The following SIRT1 variants were observed in gnomAD, a reference collection of about 807,000 sequenced individuals.
The protein encoded by SIRT1 is NAD-dependent protein deacetylase sirtuin-1.
Under a neutral mutation model 67.9 loss-of-function variants are expected in SIRT1, and 24 were observed. The ratio of observed to expected loss-of-function variants is 0.35; its 90% CI spans 0.26 to 0.50. The LOEUF (loss-of-function observed/expected upper bound fraction) is 0.50, where lower values mean the gene tolerates loss of function less well. Ranked by LOEUF, SIRT1 falls within the 20% of genes least tolerant of loss-of-function variation. The pLI, the probability that SIRT1 is intolerant of heterozygous loss-of-function variation, is 0.98. For missense variants in SIRT1, 873 were observed against 937.2 expected (o/e 0.93, Z 0.89); for synonymous variants, 378 against 350.7 (o/e 1.08, Z -0.87).
chr10:67,910,290 G>T (rs921221206), intron 7 of SIRT1, among the ~76,000 whole-genome samples: 1 of 152,052 alleles, frequency 6.6e-6, no homozygotes, highest in African/African-American at 2.4e-5. Context: ...CATGAGAATC[G>T]CTTGAACTCA....
intron 4 of SIRT1, among the ~76,000 whole-genome samples, chr10:67,895,577 A>G (rs946702203): frequency 2.6e-5 from 4 of 152,088 alleles, no homozygotes; most frequent in African/African-American, 9.7e-5. Flanking sequence ...GATTTTTGCT[A>G]CTTATGAGAA....
At chr10:67,886,858 T>C (rs1589066546) in intron 1 of SIRT1, among the ~76,000 whole-genome samples, 1 of 149,162 alleles carries the variant, frequency 6.7e-6, no homozygotes, top group African/African-American at 2.4e-5. Context: ...TATTATCTTT[T>C]CTTTTTTTTT....
rs2029909517 is a variant in SIRT1, at chr10:67,916,295, G to A, written c.1946G>A (p.Arg649His). The A allele has an allele frequency of 3.8e-6, 6 of 1,599,110 alleles. No individual in the cohort carries two copies. Among genetic ancestry groups the A allele is most frequent in the East Asian group, 2.2e-5 (1 of 44,468 alleles). ...CAGTATCTGTTTTTGCCACCAAATC[G>A]TTACATTTTCCATGGCGCTGAGGTA... ...GNQYLFLPPN[R>H]YIFHGAEVYS... The change falls in exon 9 of 9, where the codon CGT becomes CAT. Residue 649 changes from arginine (R) to histidine (H), a missense_variant. Coordinates refer to ENST00000212015, the MANE Select transcript of SIRT1 (RefSeq NM_012238.5).
In SIRT1 at chr10:67,889,087, A is replaced by C; in HGVS notation, c.753A>C (p.Gln251His). 1 of 1,605,842 alleles carries C rather than the reference A, an allele frequency of 6.2e-7. No homozygotes were observed. Among genetic ancestry groups the C allele is most frequent in the Non-Finnish European group, 8.5e-7 (1 of 1,179,674 alleles). ...NTIEDAVKLL[Q>H]ECKKIIVLTG... ...TTGAAGATGCTGTGAAATTACTGCA[A>C]GAGTGCAAAAAAATTATAGTTCTAA... Residue 251 changes from glutamine (Q) to histidine (H), a missense_variant, in exon 3 of 9, where the codon CAA becomes CAC. Gln to His is a conservative substitution (Grantham distance 24). This residue lies in a region of SIRT1 where 251 missense variants were observed against 358.8 expected (regional missense o/e 0.70). Coordinates refer to ENST00000212015, the MANE Select transcript of SIRT1 (RefSeq NM_012238.5).
At chr10:67,890,911 T>G (rs577418705) in intron 3 of SIRT1, among the ~76,000 whole-genome samples, 22 of 151,360 alleles carry the variant, frequency 1.5e-4, no homozygotes, top group African/African-American at 4.9e-4. Context: ...GCACCTGCAT[T>G]CCCAGCTAAT....
chr10:67,906,116 C>T, intron 4 of SIRT1: 1 of 1,275,528 alleles, frequency 7.8e-7, no homozygotes, highest in Non-Finnish European at 9.9e-7. Context: ...GATACTTTTT[C>T]TCTGATCTTT....
intron 4 of SIRT1, among the ~76,000 whole-genome samples, chr10:67,898,617 G>A (rs2131865175): frequency 6.6e-6 from 1 of 152,214 alleles, no homozygotes; most frequent in East Asian, 1.9e-4. Flanking sequence ...ACATGTATAT[G>A]GATTATATAT....
In SIRT1 at chr10:67,889,093, CAAA is replaced by C. The variant is rs1564883255; in HGVS notation, c.764_766del (p.Lys255del). On this transcript the variant is annotated inframe_deletion, in exon 3 of 9. Transcript: ENST00000212015. The stretch of plus-strand genomic sequence containing the variant: ...ATGCTGTGAAATTACTGCAAGAGTG[CAAA>C]AAAATTATAGTTCTAACTGGAGCTG... The C allele has an allele frequency of 6.2e-7, 1 of 1,603,586 alleles. No homozygotes were observed. Among genetic ancestry groups the C allele is most frequent in the Non-Finnish European group, 8.5e-7 (1 of 1,179,246 alleles).
chr10:67,885,995 G>C (rs188836312), intron 1 of SIRT1, among the ~76,000 whole-genome samples: 15 of 141,264 alleles, frequency 1.1e-4, no homozygotes, highest in Non-Finnish European at 2.2e-4. Flanking sequence ...CGCTAGGCTG[G>C]AGTGCAGTGG....
chr10:67,912,373 G>GC (rs1842913107), intron 7 of SIRT1, 101 bp from the exon 8 acceptor site: 3 of 1,079,148 alleles, frequency 2.8e-6, no homozygotes, highest in Non-Finnish European at 4.0e-6. Context: ...GGAATTTGGA[G>GC]CTCAAGCCCT....
At chr10:67,912,432 C>T (rs1024769874) in intron 7 of SIRT1, 42 bp from the exon 8 acceptor site, 1 of 1,511,584 alleles carries the variant, frequency 6.6e-7, no homozygotes, top group South Asian at 1.3e-5. Flanking sequence ...TAGCTTACTT[C>T]CTCCTCCCTT....
At position 67,906,697 on chromosome 10, in the gene SIRT1, G is replaced by T. The variant is rs909974364; in HGVS notation, c.943-93G>T. On this transcript the variant is annotated intron_variant, in intron 4 of 8. Transcript: ENST00000212015. ...TCATCTATTTCATTTTTAAAATTAT[G>T]TGTGTGGGATTATCAGTATTTTTTT... 51 of 1,211,490 alleles carry T rather than the reference G, an allele frequency of 4.2e-5. No individual in the cohort carries two copies. The Admixed American group carries it at 1.2e-3, about 28-fold the overall frequency. 75.0% of individuals were successfully genotyped at this position (1,211,490 alleles called of 1,614,324 possible).
At chr10:67,908,682 T>C (rs1842855037) in intron 6 of SIRT1, among the ~76,000 whole-genome samples, 1 of 152,130 alleles carries the variant, frequency 6.6e-6, no homozygotes, top group African/African-American at 2.4e-5. Flanking sequence ...GGTGGGTCGA[T>C]CATTTGAGGT....
chr10:67,885,203 GGGCTCCTACT>G, intron 1 of SIRT1, 52 bp downstream of exon 1: 1 of 1,293,516 alleles, frequency 7.7e-7, no homozygotes, highest in Non-Finnish European at 9.9e-7. Context: ...CCCTCTCCCC[GGGCTCCTACT>G]GGCCTGAGGT....
rs940098040 is a variant in SIRT1 at position 67,884,784 on chromosome 10, C to T, written c.63C>T (p.Asp21=). Residue 21 remains aspartate (D), a synonymous_variant, in exon 1 of 9, where the codon GAC becomes GAT. Coordinates refer to ENST00000212015, the MANE Select transcript of SIRT1 (RefSeq NM_012238.5). ...GCTCCCCCTCGGCGGCGGGGGCCGA[C>T]AGGGAGGCCGCGTCGTCCCCCGCCG... The part of the protein sequence containing the change: ...PGGSPSAAGA[D]REAASSPAGE... 1.3e-5 allele frequency: 16 copies of T among 1,224,886 alleles called. No homozygotes were observed. Among genetic ancestry groups the T allele is most frequent in the Non-Finnish European group, 1.6e-5 (16 of 983,632 alleles). 75.9% of individuals were successfully genotyped at this position (1,224,886 alleles called of 1,614,324 possible). A position where few individuals can be genotyped will look rare whatever the true frequency, so the allele number is the denominator to read the frequency against.
chr10:67,904,341 T>C (rs1357038589), intron 4 of SIRT1, among the ~76,000 whole-genome samples: 6 of 151,768 alleles, frequency 4.0e-5, no homozygotes, highest in African/African-American at 1.5e-4. Context: ...TTCTCCATGT[T>C]GCCCAGGCTG....
intron 4 of SIRT1, among the ~76,000 whole-genome samples, chr10:67,895,759 T>TTTTTTA (rs1842647829): frequency 7.0e-6 from 1 of 143,052 alleles, no homozygotes; most frequent in East Asian, 2.0e-4. Flanking sequence ...TTTTTTTTTT[T>TTTTTTA]TGAGACAGTT....
intron 5 of SIRT1, among the ~76,000 whole-genome samples, chr10:67,907,304 G>GGCCAA (rs1842834011): frequency 6.6e-6 from 1 of 151,974 alleles, no homozygotes. Flanking sequence ...AGAACAGCTT[G>GGCCAA]GCCAACATGG....
chr10:67,888,605 T>C (rs1272415261), intron 2 of SIRT1, among the ~76,000 whole-genome samples: 1 of 152,214 alleles, frequency 6.6e-6, no homozygotes, highest in African/African-American at 2.4e-5. Context: ...TGTTTCTAGA[T>C]ATTAACCATA....
Sources: allele counts gnomAD v4.1 joint callset (sites outside exome capture counted in the v4.1 genomes callset), GRCh38; gene constraint gnomAD v4.1.1; regional missense constraint gnomAD v4.1.1; transcripts MANE v1.5; gene names NCBI Gene and HGNC (gene_info 2026-07-23, HGNC 2026-07-21).